The following ADAMTS6 variants were observed in gnomAD, a reference collection of about 807,000 sequenced individuals.
The protein encoded by ADAMTS6 is A disintegrin and metalloproteinase with thrombospondin motifs 6.
A neutral mutation model predicts 144.3 loss-of-function variants in ADAMTS6; 23 were observed. The ratio of observed to expected loss-of-function variants is 0.16; its 90% CI spans 0.11 to 0.23. ADAMTS6 has a LOEUF of 0.23. Among genes scored for constraint, ADAMTS6 ranks in the 10% least tolerant of loss-of-function variants. The probability of loss-of-function intolerance (pLI) is 1.00; values close to 1 mark genes in which losing one functional copy is unlikely to be tolerated. For missense variants in ADAMTS6, 999 were observed against 1,379.6 expected, an observed-to-expected ratio of 0.72 and a Z score of 4.37; for synonymous variants, 444 against 457.5, an observed-to-expected ratio of 0.97 and a Z score of 0.38.
chr5:65,292,598 T>G (rs1742430006), intron 10 of ADAMTS6, among the ~76,000 whole-genome samples: 1 of 152,134 alleles, frequency 6.6e-6, no homozygotes, highest in Non-Finnish European at 1.5e-5. Context: ...TAAAAAGGTA[T>G]GTTCACACAC....
chr5:65,366,565 A>T (rs577265609), intron 7 of ADAMTS6, among the ~76,000 whole-genome samples: 3 of 152,296 alleles, frequency 2.0e-5, no homozygotes, highest in African/African-American at 7.2e-5. Context: ...AAAAATTCTA[A>T]TTCTACTATA....
At chr5:65,407,962 C>A (rs1350080439) in intron 7 of ADAMTS6, among the ~76,000 whole-genome samples, 1 of 152,106 alleles carries the variant, frequency 6.6e-6, no homozygotes, top group Non-Finnish European at 1.5e-5. Flanking sequence ...GATTTTGTCA[C>A]CACCAGGCCT....
intron 13 of ADAMTS6, among the ~76,000 whole-genome samples, chr5:65,262,561 AG>A (rs375478355): frequency 1.3e-5 from 2 of 152,296 alleles, no homozygotes; most frequent in East Asian, 3.9e-4. Flanking sequence ...TTAGATTAAA[AG>A]TCTGGCTTAT....
chr5:65,462,218 A>T (rs1349482743), intron 3 of ADAMTS6, among the ~76,000 whole-genome samples: 1 of 152,220 alleles, frequency 6.6e-6, no homozygotes, highest in Non-Finnish European at 1.5e-5. Context: ...CAGTTCCTGC[A>T]GAATAAGGGG....
intron 1 of ADAMTS6, among the ~76,000 whole-genome samples, chr5:65,477,561 GA>G (rs945994304): frequency 4.0e-5 from 6 of 151,726 alleles, no homozygotes; most frequent in African/African-American, 1.2e-4. Context: ...GTAGCATTGA[GA>G]AAAAAAAGTA....
intron 12 of ADAMTS6, among the ~76,000 whole-genome samples, chr5:65,270,383 T>A (rs907540507): frequency 1.2e-4 from 19 of 152,268 alleles, no homozygotes; most frequent in African/African-American, 4.3e-4. Flanking sequence ...ACAACAAAAA[T>A]TCATACAAGA....
rs78132452 is a variant in ADAMTS6 at position 65,259,203 on chromosome 5, G to GTATA, written c.1830+1393_1830+1396dup. On this transcript the variant is annotated intron_variant, in intron 14 of 24. Coordinates refer to ENST00000381055, the MANE Select transcript of ADAMTS6 (RefSeq NM_197941.4). ...GAAACCCCAGTCTCTACTAAAAAGT[G>GTATA]TATATATATATATATATAAAATTAG... Among the ~76,000 whole-genome samples, 328 of 147,610 alleles carry GTATA rather than the reference G, an allele frequency of 2.2e-3. 1 individual carries two copies. Among genetic ancestry groups the GTATA allele is most frequent in the Non-Finnish European group, 3.4e-3 (227 of 67,318 alleles).
chr5:65,275,446 AAG>A (rs536529511), intron 11 of ADAMTS6, among the ~76,000 whole-genome samples: 133 of 151,076 alleles, frequency 8.8e-4, no homozygotes, highest in Middle Eastern at 6.8e-3. Context: ...AGAAAAAAGA[AAG>A]AGAAAGAAAG....
At chr5:65,261,517 T>G (rs1001539935) in intron 13 of ADAMTS6, among the ~76,000 whole-genome samples, 6 of 152,222 alleles carry the variant, frequency 3.9e-5, no homozygotes, top group Admixed American at 2.6e-4. Flanking sequence ...CGTTAGTTAT[T>G]CTGTAATTTT....
chr5:65,352,303 A>C (rs905208447), intron 7 of ADAMTS6, among the ~76,000 whole-genome samples: 2 of 151,164 alleles, frequency 1.3e-5, no homozygotes, highest in African/African-American at 4.8e-5. Context: ...TGAAATTCTT[A>C]CCCATAGAGA....
chr5:65,293,289 A>G (rs1742499685), intron 10 of ADAMTS6, among the ~76,000 whole-genome samples: 1 of 151,988 alleles, frequency 6.6e-6, no homozygotes, highest in African/African-American at 2.4e-5. Context: ...AAATAAAATA[A>G]CAAGTTAAGT....
intron 18 of ADAMTS6, among the ~76,000 whole-genome samples, chr5:65,215,794 G>A (rs1580081938): frequency 6.6e-6 from 1 of 152,170 alleles, no homozygotes; most frequent in Non-Finnish European, 1.5e-5. Context: ...ACATGAGGGT[G>A]GGGAGCAGGC....
chr5:65,450,101 A>G (rs1002386861), intron 7 of ADAMTS6, among the ~76,000 whole-genome samples: 16 of 152,202 alleles, frequency 1.1e-4, no homozygotes, highest in African/African-American at 3.9e-4. Flanking sequence ...AGGTTTCCAC[A>G]TTCGCACAAT....
intron 18 of ADAMTS6, among the ~76,000 whole-genome samples, chr5:65,219,199 C>G (rs1757135849): frequency 6.6e-6 from 1 of 152,142 alleles, no homozygotes; most frequent in Non-Finnish European, 1.5e-5. Context: ...TGACCCACCT[C>G]CTGTGTTAGT....
chr5:65,179,829 A>G (rs1754225679), intron 22 of ADAMTS6, among the ~76,000 whole-genome samples: 1 of 152,206 alleles, frequency 6.6e-6, no homozygotes, highest in South Asian at 2.1e-4. Context: ...TAACACCATC[A>G]GCCTGTTTTA....
Position 65,280,555 on chromosome 5 carries a change from A to C in ADAMTS6, c.1513-7108T>G, listed in dbSNP as rs1005403350. On this transcript the variant is annotated intron_variant, in intron 11 of 24. Coordinates refer to ENST00000381055, the MANE Select transcript of ADAMTS6 (RefSeq NM_197941.4). ...TGAGAAAGCTTGCCCGATAGCTTCA[A>C]ATCATTAATATACTAGGAAACATTC... 5.3e-5 allele frequency among the ~76,000 whole-genome samples: 8 copies of C among 152,330 alleles called. No homozygotes were observed. In the East Asian group the frequency reaches 1.3e-3, roughly 26 times the overall value.
chr5:65,321,439 GA>G (rs1231523965), intron 9 of ADAMTS6, among the ~76,000 whole-genome samples: 1 of 151,776 alleles, frequency 6.6e-6, no homozygotes, highest in Non-Finnish European at 1.5e-5. Flanking sequence ...CTGTATATTA[GA>G]CCTTTGTTAG....
intron 9 of ADAMTS6, among the ~76,000 whole-genome samples, chr5:65,301,998 A>G (rs1451652431): frequency 6.6e-6 from 1 of 150,548 alleles, no homozygotes. Context: ...AGGCTGAGAC[A>G]TGAGAATCAC....
intron 9 of ADAMTS6, among the ~76,000 whole-genome samples, chr5:65,303,638 T>C (rs1402853638): frequency 1.3e-5 from 2 of 151,734 alleles, no homozygotes; most frequent in African/African-American, 4.8e-5. Context: ...AATTTAAAAA[T>C]ACTCTTAAGC....
Sources: allele counts gnomAD v4.1 joint callset (sites outside exome capture counted in the v4.1 genomes callset), GRCh38; gene constraint gnomAD v4.1.1; transcripts MANE v1.5; gene names NCBI Gene and HGNC (gene_info 2026-07-23, HGNC 2026-07-21).